ADK: variants seen among roughly 807,000 people sequenced by gnomAD.
The protein encoded by ADK is N6,N6-dimethyladenosine kinase.
ADK carries 24 observed loss-of-function variants against 44.7 expected under a neutral mutation model. The ratio of observed to expected loss-of-function variants is 0.54; its 90% CI spans 0.39 to 0.76. The LOEUF (loss-of-function observed/expected upper bound fraction) is 0.76. ADK is among the 30% of genes least tolerant of loss of function. The pLI, the probability that ADK is intolerant of heterozygous loss-of-function variation, is 0.00. For synonymous variants in ADK, 128 were observed against 142.6 expected (o/e 0.90, Z 0.73); for missense variants, 321 against 425.1 (o/e 0.76, Z 2.15).
intron 2 of ADK, among the ~76,000 whole-genome samples, chr10:74,211,099 G>C (rs1157417087): frequency 6.6e-6 from 1 of 152,142 alleles, no homozygotes; most frequent in East Asian, 1.9e-4. Context: ...TGACCAGGCT[G>C]GTCTTTAACT....
chr10:74,318,942 C>T (rs975734432), intron 4 of ADK, among the ~76,000 whole-genome samples: 2 of 152,126 alleles, frequency 1.3e-5, no homozygotes, highest in African/African-American at 4.8e-5. Context: ...GGACTGACAT[C>T]AAGAATGTGG....
chr10:74,308,039 TTG>T (rs1338615752), intron 3 of ADK, among the ~76,000 whole-genome samples: 4 of 152,228 alleles, frequency 2.6e-5, no homozygotes, highest in African/African-American at 9.6e-5. Flanking sequence ...TGAAATTTTG[TTG>T]TGTTCTTACA....
intron 6 of ADK, among the ~76,000 whole-genome samples, chr10:74,417,069 G>T (rs1844400719): frequency 6.6e-6 from 1 of 151,982 alleles, no homozygotes; most frequent in Admixed American, 6.6e-5. Context: ...GCTTCTTGTG[G>T]TAGCTTTTAA....
intron 7 of ADK, among the ~76,000 whole-genome samples, chr10:74,550,782 T>C (rs1375283168): frequency 1.3e-5 from 2 of 152,238 alleles, no homozygotes; most frequent in Non-Finnish European, 2.9e-5. Context: ...TTGATTTATA[T>C]CATTTTACTT....
chr10:74,508,018 G>T (rs1353934777), intron 6 of ADK, among the ~76,000 whole-genome samples: 1 of 152,160 alleles, frequency 6.6e-6, no homozygotes, highest in African/African-American at 2.4e-5. Context: ...GATTTATTTT[G>T]GGAGAAGCAA....
At chr10:74,528,094 G>A (rs1849128492) in intron 7 of ADK, 1 of 1,042,766 alleles carries the variant, frequency 9.6e-7, no homozygotes, top group Non-Finnish European at 1.5e-6. Context: ...GGTGAAACTG[G>A]TATGTCCATG....
chr10:74,562,908 A>AT (rs111527942), intron 7 of ADK, among the ~76,000 whole-genome samples: 4 of 150,780 alleles, frequency 2.7e-5, no homozygotes, highest in South Asian at 2.1e-4. Context: ...AACAAATACC[A>AT]TTTTTTTTCT....
chr10:74,563,013 C>G (rs1850517604), intron 7 of ADK, among the ~76,000 whole-genome samples: 1 of 152,086 alleles, frequency 6.6e-6, no homozygotes, highest in Non-Finnish European at 1.5e-5. Context: ...CTAAATACTC[C>G]CTAGCCACAC....
At chr10:74,216,170 T>C (rs1301847179) in intron 2 of ADK, among the ~76,000 whole-genome samples, 1 of 152,206 alleles carries the variant, frequency 6.6e-6, no homozygotes, top group Admixed American at 6.5e-5. Context: ...GTAACATGCA[T>C]ACATTATGAA....
chr10:74,468,908 C>A (rs1222625375), intron 6 of ADK, among the ~76,000 whole-genome samples: 1 of 151,862 alleles, frequency 6.6e-6, no homozygotes, highest in African/African-American at 2.4e-5. Flanking sequence ...ATAATAGTTT[C>A]TAGTTGCTTT....
chr10:74,660,370 A>C (rs1307328061), intron 9 of ADK, among the ~76,000 whole-genome samples: 1 of 152,104 alleles, frequency 6.6e-6, no homozygotes, highest in African/African-American at 2.4e-5. Context: ...TAGCTGAAAC[A>C]ATCTGCCCAT....
intron 9 of ADK, among the ~76,000 whole-genome samples, chr10:74,616,086 A>G (rs1852749918): frequency 6.6e-6 from 1 of 152,088 alleles, no homozygotes; most frequent in Admixed American, 6.5e-5. Flanking sequence ...TGTCTTATTG[A>G]TTTAGAAATC....
At chr10:74,317,880 C>T (rs1840679421) in intron 4 of ADK, among the ~76,000 whole-genome samples, 1 of 152,098 alleles carries the variant, frequency 6.6e-6, no homozygotes, top group South Asian at 2.1e-4. Flanking sequence ...CTCCCGGGTT[C>T]AAGTGATTCT....
chr10:74,527,406 A>G (rs953081390), intron 7 of ADK, among the ~76,000 whole-genome samples: 9 of 152,182 alleles, frequency 5.9e-5, no homozygotes, highest in Non-Finnish European at 5.9e-5. Context: ...ATTCCAAAGA[A>G]TGAAACTTTG....
At chr10:74,359,405 G>A (rs1005216681) in intron 4 of ADK, among the ~76,000 whole-genome samples, 5 of 152,114 alleles carry the variant, frequency 3.3e-5, no homozygotes, top group African/African-American at 4.8e-5. Flanking sequence ...GCTCACTTTG[G>A]TTAGTAAAGA....
intron 3 of ADK, among the ~76,000 whole-genome samples, chr10:74,275,008 G>C (rs1010141330): frequency 6.6e-6 from 1 of 151,772 alleles, no homozygotes; most frequent in Non-Finnish European, 1.5e-5. Flanking sequence ...GTTCTTTTGA[G>C]GGCCAGTAAA....
At chr10:74,608,683 A>C (rs749543855) in intron 9 of ADK, among the ~76,000 whole-genome samples, 1 of 152,098 alleles carries the variant, frequency 6.6e-6, no homozygotes, top group Non-Finnish European at 1.5e-5. Flanking sequence ...GCTGGGAGGC[A>C]TCTCCCAGTC....
intron 6 of ADK, among the ~76,000 whole-genome samples, chr10:74,447,210 G>A (rs1177815382): frequency 6.6e-6 from 1 of 152,074 alleles, no homozygotes; most frequent in Non-Finnish European, 1.5e-5. Flanking sequence ...TGAGACCAAG[G>A]GGCTTACATA....
chr10:74,423,691 A>C, intron 6 of ADK: 1 of 443,382 alleles, frequency 2.3e-6, no homozygotes, highest in Non-Finnish European at 4.5e-6. Context: ...AAGTACAGTG[A>C]CAATGTTGGG....
Sources: allele counts gnomAD v4.1 joint callset (sites outside exome capture counted in the v4.1 genomes callset), GRCh38; gene constraint gnomAD v4.1.1; transcripts MANE v1.5; gene names NCBI Gene and HGNC (gene_info 2026-07-23, HGNC 2026-07-21).